CLIC4: variants seen among roughly 807,000 people sequenced by gnomAD.
CLIC4 encodes the protein chloride intracellular channel protein 4.
In CLIC4, 13 loss-of-function variants were observed where a neutral mutation model predicts 24.6. The observed-to-expected ratio is 0.53, with a 90% CI of 0.34 to 0.84. The LOEUF (loss-of-function observed/expected upper bound fraction) is 0.84. Ranked by LOEUF, CLIC4 falls within the 40% of genes least tolerant of loss-of-function variation. The pLI is 0.01. For synonymous variants in CLIC4, 104 were observed against 111.3 expected (o/e 0.93, Z 0.41); for missense variants, 227 against 301.7 (o/e 0.75, Z 1.83).
In CLIC4 at chr1:24,835,273, T is replaced by C. The variant is rs533552987; in HGVS notation, c.416-4587T>C. On this transcript the variant is annotated intron_variant, in intron 4 of 5. Transcript: ENST00000374379. Reference sequence around the variant, plus strand: ...GTTTGATATTTTCCTAAGTAAAAAATATTACCGGGTCAGGTGCGGTGGCTC... The same window carrying C: ...GTTTGATATTTTCCTAAGTAAAAAACATTACCGGGTCAGGTGCGGTGGCTC... Among the ~76,000 whole-genome samples, 4 of 152,284 alleles carry C rather than the reference T, an allele frequency of 2.6e-5. No homozygotes were observed. In the South Asian group the frequency reaches 8.3e-4, roughly 32 times the overall value.
chr1:24,791,601 C>T (rs1052366491), intron 1 of CLIC4, among the ~76,000 whole-genome samples: 51 of 151,934 alleles, frequency 3.4e-4, no homozygotes, highest in African/African-American at 1.0e-3. Flanking sequence ...TTGGGCCGGG[C>T]GGCGTGGCTC....
intron 1 of CLIC4, among the ~76,000 whole-genome samples, chr1:24,760,433 GA>G (rs775903869): frequency 1.3e-5 from 2 of 152,046 alleles, no homozygotes; most frequent in Non-Finnish European, 2.9e-5. Flanking sequence ...TATTGAATTA[GA>G]TACAAAGTCT....
chr1:24,824,300 G>T (rs777835856), intron 3 of CLIC4, among the ~76,000 whole-genome samples: 4 of 152,000 alleles, frequency 2.6e-5, no homozygotes, highest in African/African-American at 4.8e-5. Context: ...ACGCAGTCTC[G>T]CTCTGTCACC....
intron 3 of CLIC4, among the ~76,000 whole-genome samples, chr1:24,822,341 CTTTTTTTTTTTTT>C (rs71032865): frequency 1.3e-5 from 1 of 75,464 alleles, no homozygotes; most frequent in Non-Finnish European, 2.6e-5. Context: ...TCAGTGAATT[CTTTTTTTTTTTTT>C]TTTTTTTTTT....
At chr1:24,813,083 G>A (rs532605836) in intron 2 of CLIC4, among the ~76,000 whole-genome samples, 4 of 129,162 alleles carry the variant, frequency 3.1e-5, no homozygotes, top group South Asian at 4.9e-4. Flanking sequence ...TTGCTCTGTC[G>A]CCCAGGCTGG....
chr1:24,841,001 T>C lies in CLIC4; in HGVS notation c.*64T>C, dbSNP rs1473506833. ...TAAGAATACGCTTTTCCTAACAGGC[T>C]ACTCCTTCCTGTAGAGCAGAAATTG... On this transcript the variant is annotated 3_prime_UTR_variant, in exon 6 of 6. Coordinates refer to ENST00000374379, the MANE Select transcript of CLIC4 (RefSeq NM_013943.3). The C allele has an allele frequency of 7.3e-7, 1 of 1,373,132 alleles. No homozygotes were observed. Among genetic ancestry groups the C allele is most frequent in the African/African-American group, 1.5e-5 (1 of 68,550 alleles). 85.1% of individuals were successfully genotyped at this position (1,373,132 alleles called of 1,614,324 possible).
chr1:24,797,970 G>C (rs1639423484), intron 2 of CLIC4, 119 bp downstream of exon 2: 1 of 717,684 alleles, frequency 1.4e-6, no homozygotes, highest in Admixed American at 3.0e-5. Flanking sequence ...AAGTTCTGCT[G>C]GTTTATGGAC....
At chr1:24,814,291 T>A (rs1639646751) in intron 3 of CLIC4, 72 bp downstream of exon 3, 1 of 1,481,862 alleles carries the variant, frequency 6.7e-7, no homozygotes, top group Admixed American at 2.0e-5. Context: ...TCAGTAGAGA[T>A]CTTTCTCGCA....
intron 1 of CLIC4, among the ~76,000 whole-genome samples, chr1:24,758,232 A>G (rs1638875359): frequency 6.6e-6 from 1 of 152,152 alleles, no homozygotes; most frequent in African/African-American, 2.4e-5. Flanking sequence ...TTAGAAAACA[A>G]TAGAAAAGCA....
intron 2 of CLIC4, among the ~76,000 whole-genome samples, chr1:24,807,094 C>A (rs1446091205): frequency 6.6e-6 from 1 of 151,406 alleles, no homozygotes; most frequent in Non-Finnish European, 1.5e-5. Context: ...TTGAGGACAG[C>A]CTGGGCAACA....
chr1:24,816,403 C>G (rs894043244), intron 3 of CLIC4, among the ~76,000 whole-genome samples: 1 of 151,956 alleles, frequency 6.6e-6, no homozygotes. Flanking sequence ...CCATGACCAG[C>G]TAATTTTTTT....
At chr1:24,765,921 C>T (rs1286516547) in intron 1 of CLIC4, among the ~76,000 whole-genome samples, 1 of 151,272 alleles carries the variant, frequency 6.6e-6, no homozygotes, top group Non-Finnish European at 1.5e-5. Context: ...AAGCAATTCT[C>T]CTGCCTCAGC....
At chr1:24,807,548 C>T (rs570905372) in intron 2 of CLIC4, among the ~76,000 whole-genome samples, 1 of 152,080 alleles carries the variant, frequency 6.6e-6, no homozygotes, top group Admixed American at 6.5e-5. Context: ...TTCTGATTGG[C>T]TAATTTAAAG....
intron 1 of CLIC4, among the ~76,000 whole-genome samples, chr1:24,785,854 C>CAAAAAAAAAAAAAAAAAAAAAAA (rs61009244): frequency 3.1e-4 from 18 of 58,852 alleles, no homozygotes; most frequent in East Asian, 5.0e-4. Flanking sequence ...GACTACAACT[C>CAAAAAAAAAAAAAAAAAAAAAAA]AAAAAAAAAA....
Position 24,815,502 on chromosome 1 carries a change from C to CAA in CLIC4, c.308+1291_308+1292dup, listed in dbSNP as rs756009117. Among the ~76,000 whole-genome samples, 592 of 151,118 alleles carry CAA rather than the reference C, an allele frequency of 3.9e-3. 4 individuals carry two copies. Among genetic ancestry groups the CAA allele is most frequent in the African/African-American group, 0.014 (575 of 41,204 alleles). On this transcript the variant is annotated intron_variant, in intron 3 of 5. Transcript: ENST00000374379. ...GGGTGACAAAAGCAAAACTCCGTCT[C>CAA]AAAAAAAAATCATTGCTAAAAAATG... is the stretch of plus-strand genomic sequence containing the variant.
At chr1:24,787,702 ATT>A (rs530843479) in intron 1 of CLIC4, among the ~76,000 whole-genome samples, 15 of 139,062 alleles carry the variant, frequency 1.1e-4, no homozygotes, top group Non-Finnish European at 9.4e-5. Context: ...CGCCAGGCTA[ATT>A]TTTTTTTTTT....
chr1:24,748,492 G>GTTTTTTGTTCTTTTTTTTTTTTTTTTTTT (rs1638733403), intron 1 of CLIC4, among the ~76,000 whole-genome samples: 1 of 63,172 alleles, frequency 1.6e-5, no homozygotes, highest in Non-Finnish European at 3.6e-5. Flanking sequence ...TACAGATCAG[G>GTTTTTTGTTCTTTTTTTTTTTTTTTTTTT]TTTTTTGTTT....
chr1:24,844,266 T>C lies in CLIC4; in HGVS notation c.*3329T>C, dbSNP rs987081079. The C allele has an allele frequency of 1.3e-5, 2 of 152,740 alleles. No individual in the cohort carries two copies. The highest frequency in any genetic ancestry group is 4.8e-5 in the African/African-American group (2 of 41,580). The allele number at this position is 152,740 out of a possible 1,614,324, so 9.5% of individuals were successfully genotyped here. A position where few individuals can be genotyped will look rare whatever the true frequency, so the allele number is the denominator to read the frequency against. On this transcript the variant is annotated 3_prime_UTR_variant, in exon 6 of 6. Transcript: ENST00000374379. ...TAAAAAATAAAGTATATTTTCACTA[T>C]CATAAAGGATTCTTTTTTCCCCCCT... is the stretch of plus-strand genomic sequence containing the variant.
rs1308084591 is a variant in CLIC4 at position 24,749,144 on chromosome 1, G to C, written c.72+3519G>C. Among the ~76,000 whole-genome samples, 5 of 152,018 alleles carry C rather than the reference G, an allele frequency of 3.3e-5. No individual in the cohort carries two copies. In the East Asian group the frequency reaches 5.8e-4, roughly 18 times the overall value. On this transcript the variant is annotated intron_variant, in intron 1 of 5. Transcript: ENST00000374379. ...CAGGAGAATTGCTTGAACCTGGGAG[G>C]CGGTGGTTGCAGTGAGCCGAGATAG...
Sources: gnomAD v4.1 joint callset for allele counts (sites outside exome capture counted in the v4.1 genomes callset) on GRCh38, gnomAD v4.1.1 for gene constraint, MANE v1.5 for transcripts, NCBI Gene and HGNC (gene_info 2026-07-23, HGNC 2026-07-21) for gene names.